FSTL4: variants seen among roughly 807,000 people sequenced by gnomAD.
FSTL4 encodes follistatin-related protein 4.
Under a neutral mutation model 78.2 loss-of-function variants are expected in FSTL4, and 28 were observed. The observed-to-expected ratio is 0.36, with a 90% CI of 0.27 to 0.49. The LOEUF (loss-of-function observed/expected upper bound fraction) is 0.49. FSTL4 is among the 20% of genes least tolerant of loss of function. The pLI is 0.98. For missense variants in FSTL4, 922 were observed against 1,084.9 expected (o/e 0.85, Z 2.11); for synonymous variants, 422 against 440.5 (o/e 0.96, Z 0.53).
intron 3 of FSTL4, among the ~76,000 whole-genome samples, chr5:133,490,037 C>T (rs1399671124): frequency 6.6e-6 from 1 of 152,192 alleles, no homozygotes; most frequent in Non-Finnish European, 1.5e-5. Context: ...GGACATTCTC[C>T]TCTTTGTCAA....
At chr5:133,833,859 T>C in the FSTL4 span, among the ~76,000 whole-genome samples, 1 of 152,206 alleles carries the variant, frequency 6.6e-6, no homozygotes, top group Non-Finnish European at 1.5e-5. Context: ...TGTCCAACAA[T>C]TTAAAACAAA....
At chr5:133,640,836 T>C in the FSTL4 span, among the ~76,000 whole-genome samples, 8 of 152,214 alleles carry the variant, frequency 5.3e-5, no homozygotes, top group African/African-American at 1.9e-4. Context: ...GAATTTAAGA[T>C]GCATTTCTTA....
the FSTL4 span, among the ~76,000 whole-genome samples, chr5:133,744,489 C>T: frequency 6.6e-6 from 1 of 152,192 alleles, no homozygotes; most frequent in African/African-American, 2.4e-5. Context: ...ACCACGACAT[C>T]CCTTTGTAGG....
At chr5:133,321,313 C>T (rs918487717) in intron 4 of FSTL4, among the ~76,000 whole-genome samples, 2 of 152,222 alleles carry the variant, frequency 1.3e-5, no homozygotes, top group African/African-American at 4.8e-5. Context: ...TGTAAGCTGG[C>T]ACCCCTTACC....
chr5:133,722,646 G>A, the FSTL4 span, among the ~76,000 whole-genome samples: 2 of 152,164 alleles, frequency 1.3e-5, no homozygotes, highest in Non-Finnish European at 2.9e-5. Flanking sequence ...TCCCTTGGTA[G>A]TATCACTTTT....
intron 7 of FSTL4, among the ~76,000 whole-genome samples, chr5:133,245,270 CAG>C (rs1254945298): frequency 6.6e-6 from 1 of 152,134 alleles, no homozygotes; most frequent in Non-Finnish European, 1.5e-5. Context: ...GAGGAAGACT[CAG>C]AAAACATCAA....
At chr5:133,389,212 C>T (rs1204919885) in intron 4 of FSTL4, among the ~76,000 whole-genome samples, 1 of 152,182 alleles carries the variant, frequency 6.6e-6, no homozygotes, top group Non-Finnish European at 1.5e-5. Flanking sequence ...TCTCCTCCTC[C>T]TCTGTTGCAG....
At chr5:133,767,548 GT>G in the FSTL4 span, among the ~76,000 whole-genome samples, 1 of 152,198 alleles carries the variant, frequency 6.6e-6, no homozygotes. Flanking sequence ...AACCAACAAG[GT>G]TTTTGAGCCT....
At chr5:133,602,692 A>G (rs1760898706) in intron 2 of FSTL4, among the ~76,000 whole-genome samples, 4 of 152,168 alleles carry the variant, frequency 2.6e-5, no homozygotes, top group Admixed American at 2.6e-4. Flanking sequence ...TGCGTCCTTC[A>G]TGGATTTAGA....
intron 6 of FSTL4, among the ~76,000 whole-genome samples, chr5:133,255,661 A>G (rs904075529): frequency 3.3e-5 from 5 of 152,216 alleles, no homozygotes; most frequent in African/African-American, 1.2e-4. Flanking sequence ...GTGCAGTAGC[A>G]TACCCTTGGT....
At chr5:133,427,609 G>C (rs1756850928) in intron 3 of FSTL4, 1 of 524,800 alleles carries the variant, frequency 1.9e-6, no homozygotes, top group Non-Finnish European at 3.9e-6. Flanking sequence ...GGGGGCGATA[G>C]GGGTAAAAAT....
At chr5:133,443,072 C>T (rs1465633738) in intron 3 of FSTL4, among the ~76,000 whole-genome samples, 1 of 152,230 alleles carries the variant, frequency 6.6e-6, no homozygotes, top group East Asian at 1.9e-4. Flanking sequence ...TCCATATGGA[C>T]CACCTTTATT....
At chr5:133,561,214 T>TG (rs953227231) in intron 3 of FSTL4, among the ~76,000 whole-genome samples, 4 of 151,810 alleles carry the variant, frequency 2.6e-5, no homozygotes, top group Admixed American at 2.6e-4. Flanking sequence ...AAGAATGAAC[T>TG]GGCTTACTTG....
At chr5:133,547,481 C>A (rs1759605526) in intron 3 of FSTL4, among the ~76,000 whole-genome samples, 1 of 152,064 alleles carries the variant, frequency 6.6e-6, no homozygotes, top group South Asian at 2.1e-4. Context: ...TCAGTGTGTC[C>A]CCCAGAATTC....
the FSTL4 span, among the ~76,000 whole-genome samples, chr5:133,814,586 A>T: frequency 6.6e-6 from 1 of 152,158 alleles, no homozygotes; most frequent in Non-Finnish European, 1.5e-5. Flanking sequence ...GGTTCAGATG[A>T]CTTAGTGGAC....
At chr5:133,685,901 C>T in the FSTL4 span, among the ~76,000 whole-genome samples, 1 of 152,208 alleles carries the variant, frequency 6.6e-6, no homozygotes, top group Admixed American at 6.5e-5. Context: ...ACTCCCGATT[C>T]ATTTATTTTT....
At chr5:133,269,775 G>A (rs1419614152) in intron 6 of FSTL4, among the ~76,000 whole-genome samples, 1 of 152,246 alleles carries the variant, frequency 6.6e-6, no homozygotes. Flanking sequence ...TCCCATCAGT[G>A]TGTCTCTCTC....
chr5:133,627,586 T>C, the FSTL4 span, among the ~76,000 whole-genome samples: 4 of 152,226 alleles, frequency 2.6e-5, no homozygotes, highest in African/African-American at 9.6e-5. Context: ...TGAATTCTTT[T>C]GATTAATGTT....
the FSTL4 span, among the ~76,000 whole-genome samples, chr5:133,771,768 C>A: frequency 3.3e-5 from 5 of 152,008 alleles, no homozygotes; most frequent in African/African-American, 1.2e-4. Context: ...ACTTCCTAAA[C>A]TAATTCTTTA....
Sources: allele counts gnomAD v4.1 joint callset (sites outside exome capture counted in the v4.1 genomes callset), GRCh38; gene constraint gnomAD v4.1.1; transcripts MANE v1.5; gene names NCBI Gene and HGNC (gene_info 2026-07-23, HGNC 2026-07-21).